INTS6: variants seen among roughly 807,000 people sequenced by gnomAD.
INTS6 encodes the protein DEAD box protein.
A neutral mutation model predicts 104.9 loss-of-function variants in INTS6; 16 were observed. The observed-to-expected ratio is 0.15, with a 90% confidence interval of 0.10 to 0.23. INTS6 has a LOEUF of 0.23. INTS6 is among the 10% of genes least tolerant of loss of function. INTS6 has a pLI of 1.00. For missense variants in INTS6, 584 were observed against 1,062.8 expected (o/e 0.55, Z 6.26); for synonymous variants, 324 against 358.7 (o/e 0.90, Z 1.09).
At chr13:51,335,593 C>A in the INTS6 span, among the ~76,000 whole-genome samples, 1 of 152,144 alleles carries the variant, frequency 6.6e-6, no homozygotes, top group Non-Finnish European at 1.5e-5. Flanking sequence ...TAGTGTATAA[C>A]CTTCAAATTC....
In INTS6 at chr13:51,364,456, G is replaced by GC. The variant is rs1955646720; in HGVS notation, c.*1295dup. On this transcript the variant is annotated 3_prime_UTR_variant, in exon 18 of 18. Transcript: ENST00000311234. Reference sequence around the variant, plus strand: ...TTTTTAAATGTTATAAGTTTATTTTGCCTACTCTTAATCCAAATCTATTTT... The same window carrying GC: ...TTTTTAAATGTTATAAGTTTATTTTGCCCTACTCTTAATCCAAATCTATTTT... The GC allele has an allele frequency of 4.0e-6, 2 of 501,978 alleles. No individual in the cohort carries two copies. The highest frequency in any genetic ancestry group is 7.0e-6 in the Non-Finnish European group (2 of 286,508). 31.1% of individuals were successfully genotyped at this position (501,978 alleles called of 1,614,324 possible). A position where few individuals can be genotyped will look rare whatever the true frequency, so the allele number is the denominator to read the frequency against.
intron 10 of INTS6, among the ~76,000 whole-genome samples, chr13:51,380,112 C>T (rs1017504981): frequency 2.6e-5 from 4 of 151,812 alleles, no homozygotes; most frequent in African/African-American, 7.3e-5. Context: ...ACACATAAAG[C>T]ACTTTATAAA....
Position 51,364,393 on chromosome 13 carries a change from A to G in INTS6, c.*1359T>C. 3.5e-6 allele frequency: 2 copies of G among 566,064 alleles called. No homozygotes were observed. The highest frequency in any genetic ancestry group is 4.6e-4 in the Middle Eastern group (1 of 2,166). 35.1% of individuals were successfully genotyped at this position (566,064 alleles called of 1,614,324 possible). Reference sequence around the variant, plus strand: ...TGATAAAGTGTAAAAAGCTAAGGGTATGTGATTTTCAATATTATAAACCTA... The same window carrying G: ...TGATAAAGTGTAAAAAGCTAAGGGTGTGTGATTTTCAATATTATAAACCTA... On this transcript the variant is annotated 3_prime_UTR_variant, in exon 18 of 18. Coordinates refer to ENST00000311234, the MANE Select transcript of INTS6 (RefSeq NM_012141.3).
Position 51,388,471 on chromosome 13 carries a change from G to A in INTS6, c.739+848C>T, listed in dbSNP as rs368089477. 2.8e-4 allele frequency among the ~76,000 whole-genome samples: 43 copies of A among 151,694 alleles called. No homozygotes were observed. In the East Asian group the frequency reaches 2.9e-3, roughly 10 times the overall value. ...TGCAATGGTGTGATCTCCACTCACC[G>A]CAACCTCCACCTCCCGGGTTCAAGC... On this transcript the variant is annotated intron_variant, in intron 6 of 17. Transcript: ENST00000311234.
downstream of INTS6, among the ~76,000 whole-genome samples, chr13:51,360,592 T>C (rs970056636): frequency 2.0e-5 from 3 of 152,124 alleles, no homozygotes; most frequent in African/African-American, 7.2e-5. Context: ...TTTGCTAAAC[T>C]TATAATCTGT....
At chr13:51,361,382 C>G (rs748684969), downstream of INTS6, 3 of 1,469,340 alleles carry the variant, frequency 2.0e-6, no homozygotes, top group Non-Finnish European at 2.9e-6. Flanking sequence ...CAGAGAATAC[C>G]CAGTCACACT....
chr13:51,372,561 C>T (rs1170700340), intron 15 of INTS6, among the ~76,000 whole-genome samples: 1 of 152,140 alleles, frequency 6.6e-6, no homozygotes. Flanking sequence ...CCCTCTAGCC[C>T]AATCCTCTTC....
chr13:51,429,785 A>AAAAAAAAAATATATAT (rs1156333077), intron 4 of INTS6, among the ~76,000 whole-genome samples: 6 of 92,356 alleles, frequency 6.5e-5, no homozygotes, highest in African/African-American at 2.3e-4. Flanking sequence ...AAAAAAAAAA[A>AAAAAAAAAATATATAT]ATATATATAT....
chr13:51,346,935 A>C, the INTS6 span: 1 of 925,414 alleles, frequency 1.1e-6, no homozygotes, highest in Non-Finnish European at 1.7e-6. Context: ...TTCGCATTTT[A>C]ACTCTGCACT....
At chr13:51,376,663 C>T (rs943702855) in intron 12 of INTS6, among the ~76,000 whole-genome samples, 3 of 152,162 alleles carry the variant, frequency 2.0e-5, no homozygotes, top group Non-Finnish European at 4.4e-5. Context: ...CAGGCAACCA[C>T]GTGACTTGCT....
At chr13:51,445,196 T>C (rs776569537) in intron 3 of INTS6, 6 of 152,230 alleles carry the variant, frequency 3.9e-5, no homozygotes, top group Non-Finnish European at 8.8e-5. Flanking sequence ...TTCTGACTTA[T>C]CTGCTAAATT....
chr13:51,393,444 A>C (rs1956281359), intron 5 of INTS6, among the ~76,000 whole-genome samples: 1 of 152,218 alleles, frequency 6.6e-6, no homozygotes, highest in South Asian at 2.1e-4. Context: ...GTGCAATACC[A>C]GTGGGTATTA....
At chr13:51,388,252 T>G (rs1364950327) in intron 6 of INTS6, among the ~76,000 whole-genome samples, 1 of 152,150 alleles carries the variant, frequency 6.6e-6, no homozygotes, top group Non-Finnish European at 1.5e-5. Flanking sequence ...TAGTACCCTC[T>G]CAGTGCCCCC....
chr13:51,367,798 T>C lies in INTS6; in HGVS notation c.2570+7A>G. ...CACCATTTCATTATATGCAATAGTT[T>C]ATTTACCTTGATGCTTCTTTAATGA... On this transcript the variant is annotated splice_region_variant and intron_variant, in intron 17 of 17. Coordinates refer to ENST00000311234, the MANE Select transcript of INTS6 (RefSeq NM_012141.3). 1 of 1,486,140 alleles carries C rather than the reference T, an allele frequency of 6.7e-7. No homozygotes were observed. The highest frequency in any genetic ancestry group is 2.0e-4 in the Middle Eastern group (1 of 4,932). The allele number at this position is 1,486,140 out of a possible 1,614,324, so 92.1% of individuals were successfully genotyped here.
intron 3 of INTS6, chr13:51,438,595 C>T (rs1032815786): frequency 1.3e-5 from 2 of 152,204 alleles, no homozygotes; most frequent in Non-Finnish European, 2.9e-5. Flanking sequence ...ACTGCCCATT[C>T]TGAATTAAAA....
intron 17 of INTS6, among the ~76,000 whole-genome samples, chr13:51,366,372 ATC>A (rs1955688670): frequency 6.6e-6 from 1 of 152,058 alleles, no homozygotes; most frequent in East Asian, 1.9e-4. Flanking sequence ...AAGGATAGAC[ATC>A]TATAATACAG....
At chr13:51,398,458 T>C (rs1473461695) in intron 4 of INTS6, among the ~76,000 whole-genome samples, 1 of 152,120 alleles carries the variant, frequency 6.6e-6, no homozygotes, top group East Asian at 1.9e-4. Flanking sequence ...TGTAGGAAGA[T>C]GATGAAATAC....
Position 51,452,997 on chromosome 13 carries a change from G to A in INTS6, c.-472C>T, listed in dbSNP as rs1046955007. ...TTTCAGGGACTCCCTCCGCACCCCGGCGGTGTCACCACTTTCTCAGCCCCT... is the reference window on the plus strand; with the variant it reads ...TTTCAGGGACTCCCTCCGCACCCCGACGGTGTCACCACTTTCTCAGCCCCT... On this transcript the variant is annotated 5_prime_UTR_variant, in exon 1 of 18. Transcript: ENST00000311234. The surrounding 1 kb of genome is among the most constrained non-coding windows in gnomAD (Gnocchi z 4.2). 2.7e-5 allele frequency: 27 copies of A among 1,003,926 alleles called. No homozygotes were observed. The African/African-American group carries it at 2.8e-4, about 10-fold the overall frequency. 62.2% of individuals were successfully genotyped at this position (1,003,926 alleles called of 1,614,324 possible).
downstream of INTS6, among the ~76,000 whole-genome samples, chr13:51,359,420 C>T (rs1248552504): frequency 6.6e-6 from 1 of 152,100 alleles, no homozygotes; most frequent in Non-Finnish European, 1.5e-5. Context: ...TGGGGCATGA[C>T]ATAGGCTATG....
Sources: gnomAD v4.1 joint callset for allele counts (sites outside exome capture counted in the v4.1 genomes callset) on GRCh38, gnomAD v4.1.1 for gene constraint, Gnocchi (gnomAD v3.1) non-coding constraint, MANE v1.5 for transcripts, NCBI Gene and HGNC (gene_info 2026-07-23, HGNC 2026-07-21) for gene names.